The following SRGAP2C variants were observed in gnomAD, a reference collection of about 807,000 sequenced individuals.
SRGAP2C encodes the protein SLIT-ROBO Rho GTPase-activating protein 2C.
In SRGAP2C, 15 loss-of-function variants were observed where a neutral mutation model predicts 25.1. The observed-to-expected ratio is 0.60, with a 90% CI of 0.40 to 0.92. The LOEUF is 0.92. Ranked by LOEUF, SRGAP2C falls within the 40% of genes least tolerant of loss-of-function variation. The pLI, the probability that SRGAP2C is intolerant of heterozygous loss-of-function variation, is 0.00. For missense variants in SRGAP2C, 144 were observed against 264.4 expected (o/e 0.54, Z 3.16); for synonymous variants, 44 against 96.6 (o/e 0.46, Z 3.19).
chr1:121,226,317 T>C (rs1420758660), intron 2 of SRGAP2C, among the ~76,000 whole-genome samples: 1 of 145,536 alleles, frequency 6.9e-6, no homozygotes, highest in Non-Finnish European at 1.5e-5. Context: ...CCTCTCCTGA[T>C]TTGATATAGA....
At chr1:121,372,243 G>C (rs1659512744) in intron 5 of SRGAP2C, among the ~76,000 whole-genome samples, 1 of 152,128 alleles carries the variant, frequency 6.6e-6, no homozygotes, top group South Asian at 2.1e-4. Context: ...GCTGATCGTA[G>C]GGCCTAGATT....
chr1:121,304,931 T>C (rs2101588962), intron 3 of SRGAP2C, among the ~76,000 whole-genome samples: 1 of 152,200 alleles, frequency 6.6e-6, no homozygotes. Context: ...CCTTTTCTCT[T>C]GACTAAAAAA....
At chr1:121,356,727 G>A (rs1194978389) in intron 4 of SRGAP2C, among the ~76,000 whole-genome samples, 2 of 151,908 alleles carry the variant, frequency 1.3e-5, no homozygotes, top group African/African-American at 2.4e-5. Flanking sequence ...AAGACATTAC[G>A]CCCCCACCCA....
chr1:121,204,671 G>A (rs587633001), intron 2 of SRGAP2C, among the ~76,000 whole-genome samples: 20 of 152,246 alleles, frequency 1.3e-4, no homozygotes, highest in African/African-American at 3.9e-4. Context: ...CATTGTTGAC[G>A]ATTATAGGTT....
At chr1:121,346,967 T>C (rs1383423479) in intron 4 of SRGAP2C, among the ~76,000 whole-genome samples, 2 of 152,156 alleles carry the variant, frequency 1.3e-5, no homozygotes, top group African/African-American at 4.8e-5. Flanking sequence ...CTTCAAATGT[T>C]TGGCTTGGTG....
chr1:121,213,291 C>CT (rs1655313290), intron 2 of SRGAP2C, among the ~76,000 whole-genome samples: 1 of 150,112 alleles, frequency 6.7e-6, no homozygotes, highest in South Asian at 2.1e-4. Flanking sequence ...AGCAATCCAC[C>CT]TGCCTCTGCC....
chr1:121,385,153 G>T (rs1289700260), intron 8 of SRGAP2C, among the ~76,000 whole-genome samples: 1 of 146,152 alleles, frequency 6.8e-6, no homozygotes, highest in African/African-American at 2.6e-5. Context: ...CGTTGAACTA[G>T]GGCCAAAGAT....
rs1352720433 is a variant in SRGAP2C at position 121,271,040 on chromosome 1, G to A, written c.68-13763G>A. Among the ~76,000 whole-genome samples the A allele has an allele frequency of 2.6e-5, 4 of 151,350 alleles. No homozygotes were observed. The South Asian group carries it at 8.3e-4, about 31-fold the overall frequency. ...TCTCGATCTCCTGACCTCGTGGTCT[G>A]CCTGCATTGGCCTCCCAAAGTGCTG... On this transcript the variant is annotated intron_variant, in intron 2 of 9. Transcript: ENST00000367123.
chr1:121,239,227 T>C (rs1204593240), intron 2 of SRGAP2C, among the ~76,000 whole-genome samples: 3 of 3,472 alleles, frequency 8.6e-4, no homozygotes, highest in African/African-American at 2.7e-3. Flanking sequence ...TATATATATA[T>C]ACTATATATA....
In SRGAP2C at chr1:121,270,778, T is replaced by G. The variant is rs369020535; in HGVS notation, c.68-14025T>G. Among the ~76,000 whole-genome samples the G allele has an allele frequency of 6.9e-5, 10 of 145,810 alleles. No homozygotes were observed. In the East Asian group the frequency reaches 2.0e-3, roughly 29 times the overall value. On this transcript the variant is annotated intron_variant, in intron 2 of 9. Transcript: ENST00000367123. ...TAATTTATCTTTGAATATTTCAATATTTAAGAGATAAGGAGGTTTTTTTTT... is the reference window on the plus strand; with the variant it reads ...TAATTTATCTTTGAATATTTCAATAGTTAAGAGATAAGGAGGTTTTTTTTT...
chr1:121,270,146 A>T (rs868956120), intron 2 of SRGAP2C, among the ~76,000 whole-genome samples: 9 of 143,760 alleles, frequency 6.3e-5, no homozygotes, highest in African/African-American at 7.6e-5. Context: ...TGGGTGCTAC[A>T]TAGGCTGAGA....
chr1:121,275,029 TTC>T (rs757788361), intron 2 of SRGAP2C, among the ~76,000 whole-genome samples: 2 of 147,514 alleles, frequency 1.4e-5, no homozygotes, highest in Non-Finnish European at 3.0e-5. Flanking sequence ...TCCCCCTCGC[TTC>T]TGTTTAAATC....
intron 3 of SRGAP2C, among the ~76,000 whole-genome samples, chr1:121,296,193 A>G (rs1317961288): frequency 6.6e-6 from 1 of 151,802 alleles, no homozygotes; most frequent in Non-Finnish European, 1.5e-5. Flanking sequence ...CTAGTAGTTG[A>G]CAAAATGAAT....
chr1:121,208,469 GA>G (rs1655171222), intron 2 of SRGAP2C, among the ~76,000 whole-genome samples: 1 of 152,050 alleles, frequency 6.6e-6, no homozygotes, highest in Non-Finnish European at 1.5e-5. Flanking sequence ...TAATAATGGA[GA>G]TTTGGCCTAA....
rs587697652 is a variant in SRGAP2C, at chr1:121,224,116, C to T, written c.67+36603C>T. 3.5e-3 allele frequency among the ~76,000 whole-genome samples: 534 copies of T among 150,680 alleles called. 8 individuals carry two copies. The highest frequency in any genetic ancestry group is 0.012 in the African/African-American group (512 of 40,968). ...AAGAAATACAGTTTCTGCCTCTGAG[C>T]GTGCATCATCTCACTGGTGAGGCTC... On this transcript the variant is annotated intron_variant, in intron 2 of 9. Transcript: ENST00000367123.
chr1:121,191,815 C>T (rs1238425663), intron 2 of SRGAP2C, among the ~76,000 whole-genome samples: 3 of 148,126 alleles, frequency 2.0e-5, no homozygotes, highest in Non-Finnish European at 3.0e-5. Flanking sequence ...GCAAATATTC[C>T]AGAAGAAATA....
chr1:121,320,944 A>G (rs1195546552), intron 3 of SRGAP2C, among the ~76,000 whole-genome samples: 1 of 152,190 alleles, frequency 6.6e-6, no homozygotes, highest in Non-Finnish European at 1.5e-5. Context: ...ATGGCATGTG[A>G]TTGAACCTTG....
intron 2 of SRGAP2C, among the ~76,000 whole-genome samples, chr1:121,198,930 T>C (rs1553321195): frequency 6.6e-6 from 1 of 152,312 alleles, no homozygotes; most frequent in South Asian, 2.1e-4. Flanking sequence ...TTGGCTGCCA[T>C]GATTTTAGAG....
chr1:121,374,697 A>C (rs1553352501), intron 6 of SRGAP2C, 129 bp from the exon 7 acceptor site: 3 of 616,004 alleles, frequency 4.9e-6, no homozygotes, highest in Non-Finnish European at 5.9e-6. Context: ...TTAGAACCCA[A>C]TTTAAGGCAG....
Sources: allele counts gnomAD v4.1 joint callset (sites outside exome capture counted in the v4.1 genomes callset), GRCh38; gene constraint gnomAD v4.1.1; transcripts MANE v1.5; gene names NCBI Gene and HGNC (gene_info 2026-07-23, HGNC 2026-07-21).